ZBTB44: variants seen among roughly 807,000 people sequenced by gnomAD.
ZBTB44 encodes zinc finger and BTB domain containing 44.
ZBTB44 carries 15 observed loss-of-function variants against 54.0 expected under a neutral mutation model. The observed-to-expected ratio is 0.28, with a 90% CI of 0.19 to 0.43. ZBTB44 has a LOEUF of 0.43. ZBTB44 is among the 20% of genes least tolerant of loss of function. ZBTB44 has a pLI of 1.00. For missense variants in ZBTB44, 487 were observed against 707.1 expected (o/e 0.69, Z 3.53); for synonymous variants, 230 against 250.1 (o/e 0.92, Z 0.76).
chr11:130,278,659 C>T (rs562914792), intron 1 of ZBTB44, among the ~76,000 whole-genome samples: 1 of 152,152 alleles, frequency 6.6e-6, no homozygotes, highest in Admixed American at 6.5e-5. Flanking sequence ...TGCATAATTT[C>T]TATTGATCTA....
Position 130,231,228 on chromosome 11 carries a change from ATC to A in ZBTB44, c.*534_*535del, listed in dbSNP as rs1426757368. On this transcript the variant is annotated 3_prime_UTR_variant, in exon 8 of 8. Coordinates refer to ENST00000357899, the MANE Select transcript of ZBTB44 (RefSeq NM_001301098.2). Reference sequence around the variant, plus strand: ...CTATATATACAATTATCCCTTGCAAATCTGTTTCCTAAAACAGATCCATAAAC... The same window carrying A: ...CTATATATACAATTATCCCTTGCAAATGTTTCCTAAAACAGATCCATAAAC... 1 of 152,120 alleles carries A rather than the reference ATC, an allele frequency of 6.6e-6. No homozygotes were observed. Among genetic ancestry groups the A allele is most frequent in the African/African-American group, 2.4e-5 (1 of 41,446 alleles). The allele number at this position is 152,120 out of a possible 1,614,324, so 9.4% of individuals were successfully genotyped here. A position where few individuals can be genotyped will look rare whatever the true frequency, so the allele number is the denominator to read the frequency against.
At chr11:130,266,342 C>A (rs1394712523) in intron 1 of ZBTB44, among the ~76,000 whole-genome samples, 1 of 152,204 alleles carries the variant, frequency 6.6e-6, no homozygotes, top group South Asian at 2.1e-4. Context: ...TCCAACAGTG[C>A]ATCTGGTCAT....
intron 2 of ZBTB44, among the ~76,000 whole-genome samples, chr11:130,252,859 T>C (rs1236279458): frequency 6.6e-6 from 1 of 152,164 alleles, no homozygotes; most frequent in East Asian, 1.9e-4. Flanking sequence ...AAAAAGCTTA[T>C]CCACCATGAT....
In ZBTB44 at chr11:130,239,587, T is replaced by G. The variant is rs376639237; in HGVS notation, c.1103+225A>C. ...ATAGTTTGCCAACACTTGGTACAGA[T>G]ACGATTTAAAGCAATGGGACTAGGT... On this transcript the variant is annotated intron_variant, in intron 3 of 7. Transcript: ENST00000357899. 3 of 339,884 alleles carry G rather than the reference T, an allele frequency of 8.8e-6. No individual in the cohort carries two copies. The Admixed American group carries it at 1.3e-4, about 15-fold the overall frequency. The allele number at this position is 339,884 out of a possible 1,614,324, so 21.1% of individuals were successfully genotyped here.
chr11:130,264,539 C>T (rs1939111604), intron 1 of ZBTB44, among the ~76,000 whole-genome samples: 1 of 152,092 alleles, frequency 6.6e-6, no homozygotes, highest in African/African-American at 2.4e-5. Context: ...GAACTAACTC[C>T]ACAGAAGAAA....
At chr11:130,246,200 T>C (rs1175597653) in intron 2 of ZBTB44, among the ~76,000 whole-genome samples, 2 of 152,200 alleles carry the variant, frequency 1.3e-5, no homozygotes, top group African/African-American at 2.4e-5. Context: ...ATGATGGTTT[T>C]TGCAAATAAC....
Position 130,261,035 on chromosome 11 carries a change from G to A in ZBTB44, c.839C>T (p.Pro280Leu). 6.2e-7 allele frequency: 1 copy of A among 1,613,956 alleles called. No homozygotes were observed. The highest frequency in any genetic ancestry group is 8.5e-7 in the Non-Finnish European group (1 of 1,179,900). ...VTCESTKTTL[P>L]LGTEEDVRVK... is the part of the protein sequence containing the mutation. ...CCGGACATCTTCTTCGGTACCTAAA[G>A]GCAAGGTAGTTTTTGTGCTCTCACA... Residue 280 changes from proline (P) to leucine (L), a missense_variant, in exon 2 of 8, where the codon CCT (proline) becomes CTT (leucine). Pro to Leu is a moderately conservative substitution (Grantham distance 98, BLOSUM62 -3). Transcript: ENST00000357899. The surrounding 1 kb of genome is among the most constrained non-coding windows in gnomAD (Gnocchi z 4.8).
chr11:130,256,962 T>C (rs1021152997), intron 2 of ZBTB44, among the ~76,000 whole-genome samples: 2 of 151,948 alleles, frequency 1.3e-5, no homozygotes, highest in Admixed American at 6.6e-5. Flanking sequence ...GGTATTCAAA[T>C]AAGAAGAGAG....
chr11:130,289,780 G>GT (rs903426221), intron 1 of ZBTB44, among the ~76,000 whole-genome samples: 14 of 152,034 alleles, frequency 9.2e-5, no homozygotes, highest in Non-Finnish European at 1.5e-5. Context: ...CTCTGAGGCT[G>GT]TTTTTTGTTT....
intron 1 of ZBTB44, among the ~76,000 whole-genome samples, chr11:130,305,814 C>G (rs182919293): frequency 1.3e-5 from 2 of 151,974 alleles, no homozygotes; most frequent in Non-Finnish European, 2.9e-5. Context: ...AAGAGACAAC[C>G]CAAAGTGGTA....
At chr11:130,298,149 ATTT>A (rs59096083) in intron 1 of ZBTB44, among the ~76,000 whole-genome samples, 2 of 147,658 alleles carry the variant, frequency 1.4e-5, no homozygotes, top group African/African-American at 4.9e-5. Flanking sequence ...ATAATTGATG[ATTT>A]TTTTTTTTTG....
In ZBTB44 at chr11:130,277,907, G is replaced by A. The variant is rs925077708; in HGVS notation, c.-56-15978C>T. On this transcript the variant is annotated intron_variant, in intron 1 of 7. Transcript: ENST00000357899. ...TTTTGGTTGACAGTTTTCTTCCCTC[G>A]TCCTTTGCACATTTTGAATATGTTC... Among the ~76,000 whole-genome samples, 9 of 152,098 alleles carry A rather than the reference G, an allele frequency of 5.9e-5. No individual in the cohort carries two copies. The South Asian group carries it at 1.0e-3, about 18-fold the overall frequency.
At chr11:130,295,866 G>A (rs1592057975) in intron 1 of ZBTB44, 1 of 1,425,982 alleles carries the variant, frequency 7.0e-7, no homozygotes, top group African/African-American at 1.4e-5. Flanking sequence ...TTCTTAAGGA[G>A]CTAAAGACTC....
intron 1 of ZBTB44, among the ~76,000 whole-genome samples, chr11:130,283,967 C>A (rs1940730728): frequency 2.3e-5 from 1 of 43,100 alleles, no homozygotes; most frequent in Non-Finnish European, 3.6e-5. Context: ...AAGACTCCAT[C>A]TCAAAAAAAA....
chr11:130,269,558 G>C (rs1330543879), intron 1 of ZBTB44, among the ~76,000 whole-genome samples: 1 of 152,162 alleles, frequency 6.6e-6, no homozygotes, highest in African/African-American at 2.4e-5. Context: ...ACATTCTTGT[G>C]AAAGTGGTAT....
In ZBTB44 at chr11:130,239,838, A is replaced by C. The variant is rs1253059217; in HGVS notation, c.1077T>G (p.Thr359=). 6.2e-7 allele frequency: 1 copy of C among 1,612,614 alleles called. No homozygotes were observed. The highest frequency in any genetic ancestry group is 1.3e-5 in the African/African-American group (1 of 74,914). Residue 359 remains threonine (T), a synonymous_variant, in exon 3 of 8, where the codon ACT becomes ACG. Coordinates refer to ENST00000357899, the MANE Select transcript of ZBTB44 (RefSeq NM_001301098.2). ...GATCATCATCATCCGGAGGAGCATTAGTGCTAGACGTGCTTTGAAGTGTAG... is the reference window on the plus strand; with the variant it reads ...GATCATCATCATCCGGAGGAGCATTCGTGCTAGACGTGCTTTGAAGTGTAG... ...GLPTLQSTSS[T]NAPPDDDDRL...
chr11:130,295,889 C>T, intron 1 of ZBTB44: 1 of 1,471,198 alleles, frequency 6.8e-7, no homozygotes, highest in Non-Finnish European at 9.5e-7. Flanking sequence ...CACGTGCATA[C>T]CTATGGGTTG....
chr11:130,299,129 A>G (rs1941848851), intron 1 of ZBTB44, among the ~76,000 whole-genome samples: 1 of 152,000 alleles, frequency 6.6e-6, no homozygotes, highest in Admixed American at 6.5e-5. Context: ...CACCACATTG[A>G]CATTTATAGT....
At chr11:130,300,860 A>G (rs1188747156) in intron 1 of ZBTB44, among the ~76,000 whole-genome samples, 1 of 152,212 alleles carries the variant, frequency 6.6e-6, no homozygotes, top group East Asian at 1.9e-4. Context: ...AATTCATCAT[A>G]AAGTAGCTAG....
Sources: allele counts gnomAD v4.1 joint callset (sites outside exome capture counted in the v4.1 genomes callset), GRCh38; gene constraint gnomAD v4.1.1; non-coding constraint Gnocchi (gnomAD v3.1); transcripts MANE v1.5; gene names NCBI Gene and HGNC (gene_info 2026-07-23, HGNC 2026-07-21).